The following ANKS1B variants were observed in gnomAD, a reference collection of about 807,000 sequenced individuals.
The protein encoded by ANKS1B is ankyrin repeat and sterile alpha motif domain containing 1B.
ANKS1B carries 36 observed loss-of-function variants against 148.3 expected under a neutral mutation model. The ratio of observed to expected loss-of-function variants is 0.24; its 90% CI spans 0.19 to 0.32. ANKS1B has a LOEUF of 0.32. Ranked by LOEUF, ANKS1B falls within the 10% of genes least tolerant of loss-of-function variation. The pLI, the probability that ANKS1B is intolerant of heterozygous loss-of-function variation, is 1.00. For synonymous variants in ANKS1B, 542 were observed against 560.8 expected (o/e 0.97, Z 0.47); for missense variants, 1,157 against 1,542.6 (o/e 0.75, Z 4.19).
chr12:99,758,595 A>ATACTAT lies in ANKS1B; in HGVS notation c.1128+14321_1128+14326dup, dbSNP rs1296993351. Among the ~76,000 whole-genome samples the ATACTAT allele has an allele frequency of 1.9e-4, 29 of 152,034 alleles. No homozygotes were observed. In the East Asian group the frequency reaches 4.6e-3, roughly 24 times the overall value. On this transcript the variant is annotated intron_variant, in intron 8 of 26. Transcript: ENST00000683438. ...TTACCAGGGAAATAATACCTGCAAG[A>ATACTAT]TACTATTACTATTACTATTGTTACC... is the stretch of plus-strand genomic sequence containing the variant.
intron 9 of ANKS1B, among the ~76,000 whole-genome samples, chr12:99,528,688 C>G (rs2096956072): frequency 6.6e-6 from 1 of 152,110 alleles, no homozygotes; most frequent in Admixed American, 6.6e-5. Context: ...AGTGATCAAT[C>G]AATGTAGCCA....
intron 17 of ANKS1B, among the ~76,000 whole-genome samples, chr12:99,040,125 A>G (rs756537904): frequency 1.1e-4 from 16 of 152,158 alleles, no homozygotes; most frequent in Non-Finnish European, 2.1e-4. Context: ...TTGGGCTTCC[A>G]TAATGAAGTA....
intron 1 of ANKS1B, among the ~76,000 whole-genome samples, chr12:99,870,315 T>G (rs117030443): frequency 0.011 from 1,731 of 152,322 alleles, 26 homozygotes; most frequent in Middle Eastern, 0.027. Flanking sequence ...TGTATATACG[T>G]ATATTTTCTT....
At chr12:99,504,333 C>T in intron 10 of ANKS1B, 143 bp downstream of exon 10, 1 of 857,270 alleles carries the variant, frequency 1.2e-6, no homozygotes, top group Non-Finnish European at 1.7e-6. Flanking sequence ...GGACTCACTT[C>T]AAAATGAAAA....
chr12:99,740,146 C>T (rs995580900), intron 8 of ANKS1B, among the ~76,000 whole-genome samples: 9 of 151,700 alleles, frequency 5.9e-5, no homozygotes, highest in South Asian at 4.2e-4. Flanking sequence ...CCCATCTCTA[C>T]GAAAAAAGAA....
At chr12:99,376,132 A>C (rs1464775184) in intron 12 of ANKS1B, among the ~76,000 whole-genome samples, 2 of 152,232 alleles carry the variant, frequency 1.3e-5, no homozygotes, top group Admixed American at 6.5e-5. Context: ...CTTAATGGAA[A>C]GTTCTTTCTT....
rs553226179 is a variant in ANKS1B, at chr12:99,050,241, T to C, written c.2778+2916A>G. 8.8e-4 allele frequency among the ~76,000 whole-genome samples: 134 copies of C among 152,364 alleles called. 1 individual carries two copies. Among genetic ancestry groups the C allele is most frequent in the Non-Finnish European group, 1.6e-3 (111 of 68,040 alleles). The stretch of plus-strand genomic sequence containing the variant: ...TCAAAATCTTTGTAAGCCAAAGGCA[T>C]GCACACATTTTGCCTTTTTCTCATT... On this transcript the variant is annotated intron_variant, in intron 17 of 26. Coordinates refer to ENST00000683438, the MANE Select transcript of ANKS1B (RefSeq NM_001352186.2).
intron 17 of ANKS1B, among the ~76,000 whole-genome samples, chr12:98,939,821 C>T (rs1008528852): frequency 3.3e-5 from 5 of 152,184 alleles, no homozygotes; most frequent in African/African-American, 1.2e-4. Flanking sequence ...GTAAAAGGAA[C>T]GCTGCCCCTA....
chr12:99,899,673 C>T (rs913173548), intron 1 of ANKS1B, among the ~76,000 whole-genome samples: 5 of 152,042 alleles, frequency 3.3e-5, no homozygotes, highest in Non-Finnish European at 5.9e-5. Flanking sequence ...ATTGCCCTGT[C>T]CTAAAATCAG....
At chr12:99,344,192 A>AGT (rs2090338349) in intron 12 of ANKS1B, among the ~76,000 whole-genome samples, 2 of 151,646 alleles carry the variant, frequency 1.3e-5, no homozygotes, top group African/African-American at 2.4e-5. Context: ...TACACAAACC[A>AGT]CTGTGTGTGT....
intron 22 of ANKS1B, among the ~76,000 whole-genome samples, chr12:98,796,248 T>G (rs775765517): frequency 4.6e-5 from 7 of 152,218 alleles, no homozygotes; most frequent in Non-Finnish European, 7.3e-5. Context: ...GAGAGACATT[T>G]TCATTTTGGC....
intron 24 of ANKS1B, among the ~76,000 whole-genome samples, chr12:98,779,101 T>G (rs984227975): frequency 4.6e-5 from 7 of 152,238 alleles, no homozygotes; most frequent in African/African-American, 1.7e-4. Flanking sequence ...TGCAAAGACT[T>G]GAAAAAATAT....
intron 10 of ANKS1B, among the ~76,000 whole-genome samples, chr12:99,460,065 A>G (rs1397962227): frequency 6.6e-6 from 1 of 152,188 alleles, no homozygotes; most frequent in African/African-American, 2.4e-5. Flanking sequence ...ATATGGACCA[A>G]TGGAACTGAA....
intron 8 of ANKS1B, among the ~76,000 whole-genome samples, chr12:99,763,345 A>G (rs1397091306): frequency 6.6e-6 from 1 of 152,196 alleles, no homozygotes; most frequent in Non-Finnish European, 1.5e-5. Context: ...TTGCAGCAAC[A>G]TGGATGCAGG....
At chr12:99,015,166 C>T (rs1215862766) in intron 17 of ANKS1B, among the ~76,000 whole-genome samples, 2 of 152,186 alleles carry the variant, frequency 1.3e-5, no homozygotes, top group African/African-American at 4.8e-5. Context: ...AAATGTGGTA[C>T]ATATACACCA....
At chr12:99,728,449 G>C (rs1334716765) in intron 8 of ANKS1B, among the ~76,000 whole-genome samples, 1 of 152,120 alleles carries the variant, frequency 6.6e-6, no homozygotes, top group Non-Finnish European at 1.5e-5. Flanking sequence ...CAGTCAGAAT[G>C]GTAATTATTA....
rs947478768 is a variant in ANKS1B, at chr12:98,996,012, C to T, written c.2778+57145G>A. 4.6e-5 allele frequency among the ~76,000 whole-genome samples: 7 copies of T among 151,530 alleles called. No homozygotes were observed. In the East Asian group the frequency reaches 5.8e-4, roughly 13 times the overall value. On this transcript the variant is annotated intron_variant, in intron 17 of 26. Coordinates refer to ENST00000683438, the MANE Select transcript of ANKS1B (RefSeq NM_001352186.2). ...TAGCCATGGCTGGGGAAAGAACTAC[C>T]GAAGGACTAGAGGGAACAATTGCTG...
intron 12 of ANKS1B, chr12:99,341,236 G>T (rs2089862955): frequency 6.6e-6 from 1 of 152,246 alleles, no homozygotes; most frequent in East Asian, 1.9e-4. Flanking sequence ...GCAAGCTAGA[G>T]AATCCTCTTT....
At chr12:98,867,931 G>C (rs534956820) in intron 17 of ANKS1B, among the ~76,000 whole-genome samples, 1 of 151,944 alleles carries the variant, frequency 6.6e-6, no homozygotes, top group East Asian at 1.9e-4. Context: ...TGCCGTTTAT[G>C]GGAGGTAAAG....
Sources: gnomAD v4.1 joint callset for allele counts (sites outside exome capture counted in the v4.1 genomes callset) on GRCh38, gnomAD v4.1.1 for gene constraint, MANE v1.5 for transcripts, NCBI Gene and HGNC (gene_info 2026-07-23, HGNC 2026-07-21) for gene names.